The following CSMD1 variants were observed in gnomAD, a reference collection of about 807,000 sequenced individuals.
The protein encoded by CSMD1 is CUB and sushi domain-containing protein 1.
A neutral mutation model predicts 417.5 loss-of-function variants in CSMD1; 213 were observed. The ratio of observed to expected loss-of-function variants is 0.51; its 90% CI spans 0.46 to 0.57. The LOEUF (loss-of-function observed/expected upper bound fraction) is 0.57, where lower values mean the gene tolerates loss of function less well. CSMD1 is among the 20% of genes least tolerant of loss of function. CSMD1 has a pLI of 0.00. For missense variants in CSMD1, 6,923 were observed against 4,529.7 expected (o/e 1.53, Z -15.17); for synonymous variants, 2,862 against 1,736.8 (o/e 1.65, Z -16.11).
At chr8:3,164,029 C>T (rs1050054496) in intron 37 of CSMD1, among the ~76,000 whole-genome samples, 8 of 152,100 alleles carry the variant, frequency 5.3e-5, no homozygotes, top group African/African-American at 1.9e-4. Flanking sequence ...CAGTGCCGAC[C>T]CCAGATCTGC....
At chr8:3,527,747 C>G (rs764135359) in intron 10 of CSMD1, among the ~76,000 whole-genome samples, 1 of 152,160 alleles carries the variant, frequency 6.6e-6, no homozygotes, top group Non-Finnish European at 1.5e-5. Flanking sequence ...GAAGACAGGA[C>G]TTCTCTGTAC....
intron 5 of CSMD1, among the ~76,000 whole-genome samples, chr8:3,935,609 T>C (rs1289558093): frequency 3.3e-5 from 5 of 152,142 alleles, no homozygotes; most frequent in African/African-American, 4.8e-5. Flanking sequence ...GTTGTAACTA[T>C]TGTAATTGTT....
chr8:4,252,823 C>G (rs1347121510), intron 3 of CSMD1, among the ~76,000 whole-genome samples: 1 of 152,206 alleles, frequency 6.6e-6, no homozygotes. Flanking sequence ...CAAGGATGCA[C>G]CAGTGATGAC....
At position 2,963,221 on chromosome 8, in the gene CSMD1, C is replaced by T. The variant is rs983124831; in HGVS notation, c.9454+1G>A. On this transcript the variant is annotated splice_donor_variant, in intron 60 of 69. Coordinates refer to ENST00000635120, the MANE Select transcript of CSMD1 (RefSeq NM_033225.6). LOFTEE classifies it high-confidence loss of function. ...GGAACAAATTCTGCTGTAGAACTTA[C>T]GGAGACACTGGGGGATCTCTCCTTT... 6 of 1,613,662 alleles carry T rather than the reference C, an allele frequency of 3.7e-6. No individual in the cohort carries two copies. The highest frequency in any genetic ancestry group is 2.5e-6 in the Non-Finnish European group (3 of 1,179,752).
At chr8:4,388,182 G>A (rs755201547) in intron 3 of CSMD1, among the ~76,000 whole-genome samples, 59 of 152,174 alleles carry the variant, frequency 3.9e-4, no homozygotes, top group Middle Eastern at 3.4e-3. Flanking sequence ...TCTACCCAGA[G>A]GAAAAGAAGT....
intron 5 of CSMD1, among the ~76,000 whole-genome samples, chr8:3,920,699 T>C (rs1010932597): frequency 1.3e-5 from 2 of 152,024 alleles, no homozygotes; most frequent in East Asian, 1.9e-4. Flanking sequence ...AGGTTAAATT[T>C]TGTCAAATGC....
intron 2 of CSMD1, among the ~76,000 whole-genome samples, chr8:4,540,761 C>A (rs1797341984): frequency 6.6e-6 from 1 of 152,108 alleles, no homozygotes; most frequent in Non-Finnish European, 1.5e-5. Context: ...GTCCACTTAC[C>A]TTAATCATCC....
At chr8:4,883,115 G>A (rs1199638091) in intron 1 of CSMD1, among the ~76,000 whole-genome samples, 1 of 152,082 alleles carries the variant, frequency 6.6e-6, no homozygotes, top group Non-Finnish European at 1.5e-5. Context: ...TTATAGTAAG[G>A]TGGAAAGGAA....
chr8:3,799,180 A>G (rs1311396192), intron 5 of CSMD1, among the ~76,000 whole-genome samples: 2 of 152,130 alleles, frequency 1.3e-5, no homozygotes, highest in Admixed American at 6.6e-5. Context: ...TTTGACTATC[A>G]TAAGAAAAAG....
intron 2 of CSMD1, among the ~76,000 whole-genome samples, chr8:4,528,861 G>T (rs1277727778): frequency 2.6e-5 from 4 of 151,866 alleles, no homozygotes; most frequent in African/African-American, 9.7e-5. Flanking sequence ...CCTAAGAAAA[G>T]GTATAGTACT....
chr8:3,091,808 G>A, intron 47 of CSMD1, 146 bp from the exon 48 acceptor site: 1 of 617,750 alleles, frequency 1.6e-6, no homozygotes, highest in Non-Finnish European at 2.6e-6. Context: ...ATTCCAAATG[G>A]CTATAGTGAC....
chr8:3,371,709 C>T (rs757219137), intron 18 of CSMD1, among the ~76,000 whole-genome samples: 2 of 152,130 alleles, frequency 1.3e-5, no homozygotes, highest in African/African-American at 4.8e-5. Flanking sequence ...CACTAACCAT[C>T]CATCTTAAGG....
intron 7 of CSMD1, among the ~76,000 whole-genome samples, chr8:3,672,407 CAT>C (rs756022910): frequency 1.3e-5 from 2 of 152,124 alleles, no homozygotes; most frequent in Non-Finnish European, 2.9e-5. Context: ...GCTCAGAAAA[CAT>C]AAACAGTCCA....
At chr8:4,390,292 C>G (rs1803753728) in intron 3 of CSMD1, among the ~76,000 whole-genome samples, 1 of 151,970 alleles carries the variant, frequency 6.6e-6, no homozygotes, top group Non-Finnish European at 1.5e-5. Context: ...GAGGAGCAAT[C>G]AAGTTATCTC....
At chr8:3,549,468 G>T (rs904912031) in intron 10 of CSMD1, among the ~76,000 whole-genome samples, 1 of 152,134 alleles carries the variant, frequency 6.6e-6, no homozygotes, top group Admixed American at 6.5e-5. Flanking sequence ...CCCTCATGTC[G>T]CAGCAGTGAG....
At chr8:3,004,111 G>C (rs969364475) in intron 52 of CSMD1, among the ~76,000 whole-genome samples, 2 of 152,178 alleles carry the variant, frequency 1.3e-5, no homozygotes, top group African/African-American at 2.4e-5. Flanking sequence ...AATGAACGTG[G>C]GGTGAGGGCA....
chr8:4,227,537 G>C (rs1357382136), intron 3 of CSMD1, among the ~76,000 whole-genome samples: 4 of 152,066 alleles, frequency 2.6e-5, no homozygotes, highest in African/African-American at 4.8e-5. Flanking sequence ...ACCTAACTGA[G>C]AAGCAGGGGT....
chr8:4,971,011 A>G (rs1204437155), intron 1 of CSMD1, among the ~76,000 whole-genome samples: 1 of 152,112 alleles, frequency 6.6e-6, no homozygotes, highest in Non-Finnish European at 1.5e-5. Context: ...GTAGAGAAAA[A>G]TCTAGTTATT....
intron 2 of CSMD1, among the ~76,000 whole-genome samples, chr8:4,625,479 T>C (rs1026352332): frequency 6.6e-6 from 1 of 151,956 alleles, no homozygotes; most frequent in Non-Finnish European, 1.5e-5. Context: ...GTAAATACTC[T>C]GAATGAATCC....
Sources: allele counts gnomAD v4.1 joint callset (sites outside exome capture counted in the v4.1 genomes callset), GRCh38; gene constraint gnomAD v4.1.1; transcripts MANE v1.5; gene names NCBI Gene and HGNC (gene_info 2026-07-23, HGNC 2026-07-21).